The following ATP9B variants were observed in gnomAD, a reference collection of about 807,000 sequenced individuals.
ATP9B encodes the protein ATPase phospholipid transporting 9B.
ATP9B carries 110 observed loss-of-function variants against 146.1 expected under a neutral mutation model. The ratio of observed to expected loss-of-function variants is 0.75; its 90% CI spans 0.65 to 0.88. The LOEUF (loss-of-function observed/expected upper bound fraction) is 0.88, where lower values mean the gene tolerates loss of function less well. ATP9B is among the 40% of genes least tolerant of loss of function. The pLI is 0.00. For missense variants in ATP9B, 1,499 were observed against 1,496.4 expected (o/e 1.00, Z -0.03); for synonymous variants, 604 against 569.7 (o/e 1.06, Z -0.86).
In ATP9B at chr18:79,239,520, A is replaced by C. The variant is rs998028386; in HGVS notation, c.1108-13861A>C. Among the ~76,000 whole-genome samples, 2 of 152,130 alleles carry C rather than the reference A, an allele frequency of 1.3e-5. No homozygotes were observed. The highest frequency in any genetic ancestry group is 2.4e-5 in the African/African-American group (1 of 41,426). Reference sequence around the variant, plus strand: ...GTAGGACGATGGTGTCACGGCACTTAAAATTGTCTTCAGAGGATGATTTCC... The same window carrying C: ...GTAGGACGATGGTGTCACGGCACTTCAAATTGTCTTCAGAGGATGATTTCC... On this transcript the variant is annotated intron_variant, in intron 11 of 29. Transcript: ENST00000426216. This position sits in a 1 kb window ranked among gnomAD's most constrained non-coding sequence, Gnocchi z 5.1.
intron 11 of ATP9B, among the ~76,000 whole-genome samples, chr18:79,223,754 A>C (rs2095703070): frequency 6.6e-6 from 1 of 152,216 alleles, no homozygotes; most frequent in African/African-American, 2.4e-5. Flanking sequence ...GTAGTTCTTC[A>C]TCTGCAGTGT....
intron 13 of ATP9B, among the ~76,000 whole-genome samples, chr18:79,302,124 A>G (rs1266575178): frequency 5.3e-5 from 8 of 152,244 alleles, no homozygotes; most frequent in Admixed American, 3.9e-4. Context: ...ATATTTTGCA[A>G]CCATAAAATT....
At chr18:79,308,214 A>G (rs1599836237) in intron 15 of ATP9B, among the ~76,000 whole-genome samples, 1 of 152,300 alleles carries the variant, frequency 6.6e-6, no homozygotes, top group African/African-American at 2.4e-5. Context: ...AGGAACTGGA[A>G]CCTGCATGCA....
chr18:79,076,971 TC>T (rs770306182), intron 1 of ATP9B, among the ~76,000 whole-genome samples: 1 of 152,248 alleles, frequency 6.6e-6, no homozygotes, highest in Non-Finnish European at 1.5e-5. Context: ...AGTTGATTCT[TC>T]CTCATACTAG....
At chr18:79,276,500 T>G (rs2096310739) in intron 12 of ATP9B, among the ~76,000 whole-genome samples, 2 of 152,252 alleles carry the variant, frequency 1.3e-5, no homozygotes, top group Non-Finnish European at 2.9e-5. Flanking sequence ...CCATTGGTCA[T>G]GGTAAAACAA....
intron 11 of ATP9B, among the ~76,000 whole-genome samples, chr18:79,229,979 A>T (rs1429043763): frequency 1.6e-5 from 2 of 123,106 alleles, no homozygotes; most frequent in Non-Finnish European, 3.3e-5. Flanking sequence ...TTAGTGCATT[A>T]AAAAAAAAAG....
At chr18:79,147,593 G>A (rs962552433) in intron 6 of ATP9B, among the ~76,000 whole-genome samples, 1 of 152,078 alleles carries the variant, frequency 6.6e-6, no homozygotes, top group Admixed American at 6.5e-5. Flanking sequence ...TATAGGATAG[G>A]TAGTCTCAAG....
intron 7 of ATP9B, 64 bp downstream of exon 7, chr18:79,154,619 T>C: frequency 1.8e-6 from 2 of 1,111,868 alleles, no homozygotes; most frequent in East Asian, 2.7e-5. Flanking sequence ...TTTACAAATA[T>C]CTATACAAGG....
chr18:79,306,463 G>A (rs920811747), intron 14 of ATP9B, among the ~76,000 whole-genome samples: 7 of 152,166 alleles, frequency 4.6e-5, no homozygotes, highest in Non-Finnish European at 8.8e-5. Context: ...ACTTAGGATT[G>A]TATTTGGTTG....
At chr18:79,376,598 C>T (rs1402208731) in intron 29 of ATP9B, among the ~76,000 whole-genome samples, 4 of 152,054 alleles carry the variant, frequency 2.6e-5, no homozygotes, top group African/African-American at 9.7e-5. Flanking sequence ...CCATGTTGGC[C>T]AGGCTGGTCT....
At chr18:79,182,851 A>T (rs1466750765) in intron 8 of ATP9B, among the ~76,000 whole-genome samples, 1 of 152,224 alleles carries the variant, frequency 6.6e-6, no homozygotes, top group African/African-American at 2.4e-5. Context: ...CAGAGCCTGG[A>T]TGCCGGCCCT....
intron 4 of ATP9B, among the ~76,000 whole-genome samples, chr18:79,114,575 G>C (rs1395700208): frequency 6.6e-6 from 1 of 152,166 alleles, no homozygotes; most frequent in African/African-American, 2.4e-5. Flanking sequence ...CATGCTGAGG[G>C]AAATTTTTTG....
intron 11 of ATP9B, among the ~76,000 whole-genome samples, chr18:79,231,916 T>G (rs1053379542): frequency 6.6e-6 from 1 of 151,800 alleles, no homozygotes; most frequent in Non-Finnish European, 1.5e-5. Context: ...AACTCAAGAA[T>G]AGAAAAGCAA....
chr18:79,300,117 C>T (rs929424772), intron 13 of ATP9B: 9 of 152,506 alleles, frequency 5.9e-5, no homozygotes, highest in African/African-American at 2.2e-4. Context: ...CTCAGGAAGC[C>T]ACGGAAGAGG....
intron 10 of ATP9B, 87 bp from the exon 11 acceptor site, chr18:79,213,875 C>A: frequency 1.0e-6 from 1 of 985,186 alleles, no homozygotes; most frequent in Non-Finnish European, 1.5e-6. Context: ...TGTGATAATA[C>A]TTTCCATCAA....
chr18:79,094,532 T>TC (rs753570723), intron 1 of ATP9B, among the ~76,000 whole-genome samples: 4 of 152,190 alleles, frequency 2.6e-5, no homozygotes, highest in Non-Finnish European at 5.9e-5. Flanking sequence ...GAGCCCATCT[T>TC]CCTGTTTCCC....
At chr18:79,325,231 G>A (rs924443476) in intron 15 of ATP9B, among the ~76,000 whole-genome samples, 2 of 152,082 alleles carry the variant, frequency 1.3e-5, no homozygotes, top group African/African-American at 2.4e-5. Flanking sequence ...TGCCCTCTGG[G>A]ATGCAGATGA....
At chr18:79,172,407 C>T (rs8085892) in intron 7 of ATP9B, among the ~76,000 whole-genome samples, 4 of 45,602 alleles carry the variant, frequency 8.8e-5, no homozygotes, top group African/African-American at 7.5e-4. Flanking sequence ...CCTTGCGATC[C>T]GCCTTGGCCT....
At chr18:79,222,888 T>G (rs2095694149) in intron 11 of ATP9B, among the ~76,000 whole-genome samples, 1 of 152,244 alleles carries the variant, frequency 6.6e-6, no homozygotes, top group African/African-American at 2.4e-5. Context: ...GATATGAGAC[T>G]TGATTACATT....
Sources: gnomAD v4.1 joint callset for allele counts (sites outside exome capture counted in the v4.1 genomes callset) on GRCh38, gnomAD v4.1.1 for gene constraint, Gnocchi (gnomAD v3.1) non-coding constraint, MANE v1.5 for transcripts, NCBI Gene and HGNC (gene_info 2026-07-23, HGNC 2026-07-21) for gene names.